Variants in MTIF2 observed in about 807,000 individuals in gnomAD.
MTIF2 encodes mitochondrial translational initiation factor 2.
In MTIF2, 71 loss-of-function variants were observed where a neutral mutation model predicts 83.5. That is an observed-to-expected ratio of 0.85 (90% CI 0.70 to 1.04). MTIF2 has a LOEUF of 1.04. MTIF2 is among the 50% of genes least tolerant of loss of function. The pLI is 0.00. For missense variants in MTIF2, 957 were observed against 846.5 expected (o/e 1.13, Z -1.62); for synonymous variants, 319 against 287.1 (o/e 1.11, Z -1.12).
In MTIF2 at chr2:55,243,768, T is replaced by C. The variant is rs1386877895; in HGVS notation, c.1312-100A>G. 4 of 1,221,222 alleles carry C rather than the reference T, an allele frequency of 3.3e-6. No individual in the cohort carries two copies. The African/African-American group carries it at 4.6e-5, about 14-fold the overall frequency. 75.6% of individuals were successfully genotyped at this position (1,221,222 alleles called of 1,614,324 possible). ...TGCATTAGGAAATTAGCTTAACTCA[T>C]GTATGAAACTACTACTTTTATAAGT... is the stretch of plus-strand genomic sequence containing the variant. On this transcript the variant is annotated intron_variant, in intron 11 of 15. Transcript: ENST00000263629.
intron 10 of MTIF2, among the ~76,000 whole-genome samples, chr2:55,245,293 G>T (rs994296591): frequency 1.3e-5 from 2 of 151,968 alleles, no homozygotes; most frequent in African/African-American, 2.4e-5. Context: ...AGGCTGAGGC[G>T]GTTGGATCAC....
Position 55,252,710 on chromosome 2 carries a change from CA to C in MTIF2, c.665-58del, listed in dbSNP as rs1170597622. On this transcript the variant is annotated intron_variant, in intron 7 of 15. Coordinates refer to ENST00000263629, the MANE Select transcript of MTIF2 (RefSeq NM_002453.3). ...ATTCAAACATGTACTTCCTTAATAC[CA>C]AAGAATATATGCGACATTATCAGAA... is the stretch of plus-strand genomic sequence containing the variant. The C allele has an allele frequency of 1.9e-4, 246 of 1,264,784 alleles. 1 individual carries two copies. The East Asian group carries it at 5.7e-3, about 29-fold the overall frequency. The allele number at this position is 1,264,784 out of a possible 1,614,324, so 78.3% of individuals were successfully genotyped here. A position where few individuals can be genotyped will look rare whatever the true frequency, so the allele number is the denominator to read the frequency against.
intron 14 of MTIF2, among the ~76,000 whole-genome samples, chr2:55,238,114 G>C (rs1676023668): frequency 6.6e-6 from 1 of 152,010 alleles, no homozygotes; most frequent in Non-Finnish European, 1.5e-5. Context: ...CATGATCATA[G>C]CTCACTGTAC....
chr2:55,237,931 G>T (rs775023796), intron 14 of MTIF2, among the ~76,000 whole-genome samples: 2 of 151,968 alleles, frequency 1.3e-5, no homozygotes, highest in East Asian at 1.9e-4. Context: ...AATTACAGGC[G>T]TGAGCCACTG....
chr2:55,238,895 T>A (rs1676093728), intron 14 of MTIF2, among the ~76,000 whole-genome samples: 1 of 152,194 alleles, frequency 6.6e-6, no homozygotes, highest in Admixed American at 6.5e-5. Context: ...CTCTGTACGA[T>A]CATGTTGAGC....
chr2:55,240,782 T>C (rs747696718), intron 13 of MTIF2, among the ~76,000 whole-genome samples: 7 of 152,176 alleles, frequency 4.6e-5, no homozygotes, highest in Non-Finnish European at 7.4e-5. Context: ...TAAACAAAAT[T>C]TGATTTTCAT....
Position 55,237,423 on chromosome 2 carries a change from C to T in MTIF2, c.1876G>A (p.Ala626Thr), listed in dbSNP as rs774133768. Reference sequence around the variant, plus strand: ...ACAGAGAAGGTAGCTAGTATAGATGCCTCACCTTTAGGAAGAAGAGAACAT... The same window carrying T: ...ACAGAGAAGGTAGCTAGTATAGATGTCTCACCTTTAGGAAGAAGAGAACAT... ...CAVEEHPVGE[A>T]SILATFSVTE... The change falls in exon 15 of 16, where the codon GCA (alanine) becomes ACA (threonine). Residue 626 changes from alanine to threonine, a missense_variant. Around this residue, in one of 3 missense-constraint regions of MTIF2, gnomAD observed 221 missense variants for 180.6 expected, o/e 1.22. Transcript: ENST00000263629. The T allele has an allele frequency of 1.9e-6, 3 of 1,604,902 alleles. No homozygotes were observed. Among genetic ancestry groups the T allele is most frequent in the Non-Finnish European group, 2.5e-6 (3 of 1,177,216 alleles).
intron 5 of MTIF2, 60 bp from the exon 6 acceptor site, chr2:55,254,885 C>T: frequency 3.8e-6 from 4 of 1,066,162 alleles, no homozygotes; most frequent in Non-Finnish European, 5.1e-6. Context: ...GAAGTAATCT[C>T]TATTAATAAA....
rs201913128 is a variant in MTIF2 at position 55,246,371 on chromosome 2, T to C, written c.1072A>G (p.Thr358Ala). 28 of 1,613,970 alleles carry C rather than the reference T, an allele frequency of 1.7e-5. No individual in the cohort carries two copies. In the East Asian group the frequency reaches 4.9e-4, roughly 28 times the overall value. Residue 358 changes from threonine to alanine, a missense_variant, in exon 10 of 16, where the codon ACA becomes GCA. Around this residue, in one of 3 missense-constraint regions of MTIF2, gnomAD observed 733 missense variants for 648.7 expected, o/e 1.13. Coordinates refer to ENST00000263629, the MANE Select transcript of MTIF2 (RefSeq NM_002453.3). ...KADPNGPVEG[T>A]VIESFTDKGR... is the part of the protein sequence containing the mutation. Reference sequence around the variant, plus strand: ...TTGTCTGTGAAAGACTCTATTACTGTTCCTTCCACTGGACCATTGGGATCT... The same window carrying C: ...TTGTCTGTGAAAGACTCTATTACTGCTCCTTCCACTGGACCATTGGGATCT...
chr2:55,236,950 T>C (rs1675874077), intron 15 of MTIF2, 130 bp from the exon 16 acceptor site: 1 of 773,158 alleles, frequency 1.3e-6, no homozygotes, highest in African/African-American at 1.8e-5. Flanking sequence ...TCAAGTTAAA[T>C]GATGGGACTA....
chr2:55,267,979 G>A (rs748316483), intron 2 of MTIF2, among the ~76,000 whole-genome samples: 17 of 152,164 alleles, frequency 1.1e-4, no homozygotes, highest in African/African-American at 2.9e-4. Flanking sequence ...CAGGCTGGGC[G>A]TGATGGCTCA....
intron 13 of MTIF2, among the ~76,000 whole-genome samples, chr2:55,241,591 C>G (rs1244741841): frequency 2.6e-5 from 4 of 152,050 alleles, no homozygotes; most frequent in Non-Finnish European, 5.9e-5. Flanking sequence ...GCCTGTAATC[C>G]CAGGACTTTG....
chr2:55,248,019 T>C (rs753883977), intron 9 of MTIF2, among the ~76,000 whole-genome samples: 2 of 152,102 alleles, frequency 1.3e-5, no homozygotes, highest in Non-Finnish European at 1.5e-5. Flanking sequence ...GCCTCCCCAA[T>C]AGCTAGGACG....
intron 15 of MTIF2, 38 bp downstream of exon 15, chr2:55,237,250 C>T (rs780690000): frequency 6.3e-7 from 1 of 1,584,020 alleles, no homozygotes; most frequent in Non-Finnish European, 8.6e-7. Flanking sequence ...GTCTTGGTGA[C>T]TGGATATGCT....
At chr2:55,243,371 T>C in intron 12 of MTIF2, 45 bp downstream of exon 12, 2 of 1,503,106 alleles carry the variant, frequency 1.3e-6, no homozygotes, top group East Asian at 2.3e-5. Context: ...TAAAAAAACA[T>C]ATATTCAAAG....
At chr2:55,263,153 A>C (rs1402499733) in intron 4 of MTIF2, among the ~76,000 whole-genome samples, 3 of 152,188 alleles carry the variant, frequency 2.0e-5, no homozygotes, top group African/African-American at 7.2e-5. Context: ...GAGCCACCAC[A>C]TCCGGCCATA....
At chr2:55,245,511 C>G (rs1408240454) in intron 10 of MTIF2, among the ~76,000 whole-genome samples, 6 of 151,938 alleles carry the variant, frequency 3.9e-5, no homozygotes, top group African/African-American at 1.5e-4. Flanking sequence ...GCAACAAGAG[C>G]AAAAGTCCGT....
chr2:55,236,781 G>A lies in MTIF2; in HGVS notation c.2051C>T (p.Ser684Leu), dbSNP rs763017988. The A allele has an allele frequency of 4.4e-6, 7 of 1,608,460 alleles. No individual in the cohort carries two copies. Among genetic ancestry groups the A allele is most frequent in the Admixed American group, 3.4e-5 (2 of 58,698 alleles). ...TSLKHHKDDI[S>L]IVKTGMDCGL... is the part of the protein sequence containing the mutation. Reference sequence around the variant, plus strand: ...ACAATCCATTCCCGTTTTGACAATTGAAATGTCATCTTTATGGTGTTTCAA... The same window carrying A: ...ACAATCCATTCCCGTTTTGACAATTAAAATGTCATCTTTATGGTGTTTCAA... Residue 684 changes from serine (S) to leucine (L), a missense_variant, in exon 16 of 16, where the codon TCA becomes TTA. Around this residue, in one of 3 missense-constraint regions of MTIF2, gnomAD observed 221 missense variants for 180.6 expected, o/e 1.22. Coordinates refer to ENST00000263629, the MANE Select transcript of MTIF2 (RefSeq NM_002453.3).
At position 55,249,555 on chromosome 2, in the gene MTIF2, A is replaced by G. The variant is rs772445343; in HGVS notation, c.842-21T>C. 3 of 1,610,532 alleles carry G rather than the reference A, an allele frequency of 1.9e-6. No individual in the cohort carries two copies. In the South Asian group the frequency reaches 3.3e-5, roughly 18 times the overall value. On this transcript the variant is annotated intron_variant, in intron 8 of 15. Coordinates refer to ENST00000263629, the MANE Select transcript of MTIF2 (RefSeq NM_002453.3). ...AGGAACTGAAAGAAATGGAGTTAAA[A>G]AGAGTGAAAATGATGACACCTTCAA...
Sources: allele counts gnomAD v4.1 joint callset (sites outside exome capture counted in the v4.1 genomes callset), GRCh38; gene constraint gnomAD v4.1.1; regional missense constraint gnomAD v4.1.1; transcripts MANE v1.5; gene names NCBI Gene and HGNC (gene_info 2026-07-23, HGNC 2026-07-21).